ACACA: variants seen among roughly 807,000 people sequenced by gnomAD.
The protein encoded by ACACA is acetyl-CoA carboxylase 1.
In ACACA, 103 loss-of-function variants were observed where a neutral mutation model predicts 296.1. That is an observed-to-expected ratio of 0.35 (90% CI 0.30 to 0.41). ACACA has a LOEUF of 0.41. ACACA is among the 10% of genes least tolerant of loss of function. The pLI, the probability that ACACA is intolerant of heterozygous loss-of-function variation, is 1.00. For synonymous variants in ACACA, 953 were observed against 1,038.6 expected (o/e 0.92, Z 1.58); for missense variants, 1,554 against 2,989.7 (o/e 0.52, Z 11.20).
At chr17:37,129,231 A>T in intron 47 of ACACA, 134 bp downstream of exon 47, 3 of 1,221,810 alleles carry the variant, frequency 2.5e-6, no homozygotes, top group Middle Eastern at 1.9e-4. Context: ...GCTGGTTTTC[A>T]GGTCTTTCTC....
At chr17:37,102,642 G>A (rs2073433159) in intron 52 of ACACA, among the ~76,000 whole-genome samples, 1 of 152,236 alleles carries the variant, frequency 6.6e-6, no homozygotes, top group African/African-American at 2.4e-5. Flanking sequence ...ACCAGCTGGA[G>A]AGTTGGTTTG....
chr17:37,247,029 G>A (rs1392138243), intron 18 of ACACA, 53 bp from the exon 19 acceptor site: 3 of 1,593,980 alleles, frequency 1.9e-6, no homozygotes, highest in African/African-American at 1.3e-5. Flanking sequence ...GGATGTAAAG[G>A]AGAATGGTAG....
chr17:37,097,047 C>T lies in ACACA; in HGVS notation c.6840G>A (p.Gln2280=). The T allele has an allele frequency of 1.2e-6, 2 of 1,614,170 alleles. No individual in the cohort carries two copies. The highest frequency in any genetic ancestry group is 1.7e-6 in the Non-Finnish European group (2 of 1,180,046). The change falls in exon 54 of 56, where the codon CAG becomes CAA. Residue 2280 remains glutamine, a synonymous_variant. Coordinates refer to ENST00000616317, the MANE Select transcript of ACACA (RefSeq NM_198834.3). The surrounding 1 kb of genome is among the most constrained non-coding windows in gnomAD (Gnocchi z 4.8). ...HNANPELTDG[Q]IQAMLRRWFV... is the part of the protein sequence containing the mutation. ...ACCAGCGCCTTAACATGGCTTGAATCTGGCCATCAGTCAGCTCAGGGTTGG... is the reference window on the plus strand; with the variant it reads ...ACCAGCGCCTTAACATGGCTTGAATTTGGCCATCAGTCAGCTCAGGGTTGG...
intron 45 of ACACA, among the ~76,000 whole-genome samples, chr17:37,144,638 T>G (rs1205709724): frequency 1.3e-5 from 2 of 152,106 alleles, no homozygotes; most frequent in East Asian, 3.9e-4. Context: ...AATACATATA[T>G]GAGAACCAGA....
intron 29 of ACACA, 92 bp downstream of exon 29, chr17:37,221,632 A>T (rs1029730906): frequency 1.9e-5 from 21 of 1,132,898 alleles, no homozygotes; most frequent in African/African-American, 6.1e-5. Flanking sequence ...ATTTCTAACT[A>T]AAAAAACATG....
chr17:37,365,773 C>A, intron 1 of ACACA: 1 of 980,730 alleles, frequency 1.0e-6, no homozygotes, highest in Non-Finnish European at 1.2e-6. Flanking sequence ...GGTAGAATTG[C>A]ACAATGAAGG....
Position 37,200,245 on chromosome 17 carries a change from C to T in ACACA, c.4114-62G>A, listed in dbSNP as rs1047518879. The stretch of plus-strand genomic sequence containing the variant: ...AGAAGTTGGCAATTAGTAACAAAAT[C>T]AAAAAGAAATTGAGTAAAAGATGAT... On this transcript the variant is annotated intron_variant, in intron 34 of 55. Transcript: ENST00000616317. 11 of 1,468,420 alleles carry T rather than the reference C, an allele frequency of 7.5e-6. No homozygotes were observed. The African/African-American group carries it at 1.5e-4, about 20-fold the overall frequency. 91.0% of individuals were successfully genotyped at this position (1,468,420 alleles called of 1,614,324 possible).
intron 1 of ACACA, among the ~76,000 whole-genome samples, chr17:37,390,575 C>T (rs887342217): frequency 7.4e-5 from 11 of 147,780 alleles, no homozygotes; most frequent in African/African-American, 2.2e-4. Context: ...TGTGGTGAGC[C>T]GAGATTGCGC....
At chr17:37,251,912 G>A (rs2081012453) in intron 16 of ACACA, 93 bp downstream of exon 16, 12 of 1,175,974 alleles carry the variant, frequency 1.0e-5, no homozygotes, top group African/African-American at 1.5e-5. Context: ...AAGCTGCCAG[G>A]AATGGACAGA....
intron 43 of ACACA, among the ~76,000 whole-genome samples, chr17:37,153,899 C>T (rs1368125303): frequency 6.6e-6 from 1 of 151,990 alleles, no homozygotes; most frequent in Non-Finnish European, 1.5e-5. Flanking sequence ...AAAAACATAC[C>T]CTGTTTCTTT....
chr17:37,190,042 G>A (rs1456656339), intron 38 of ACACA, among the ~76,000 whole-genome samples: 3 of 136,196 alleles, frequency 2.2e-5, no homozygotes, highest in Non-Finnish European at 4.9e-5. Context: ...AAAAAAAAAA[G>A]CAGCAGCAGC....
chr17:37,217,823 G>A (rs1268855358), intron 29 of ACACA, among the ~76,000 whole-genome samples: 3 of 148,612 alleles, frequency 2.0e-5, no homozygotes, highest in East Asian at 2.0e-4. Flanking sequence ...GCACATGCCT[G>A]TAGTCCCAGC....
At chr17:37,395,666 C>T (rs1467616010) in intron 1 of ACACA, among the ~76,000 whole-genome samples, 4 of 152,022 alleles carry the variant, frequency 2.6e-5, no homozygotes, top group Non-Finnish European at 5.9e-5. Context: ...CCTCAGCCTC[C>T]CAAGTAGCTG....
intron 29 of ACACA, among the ~76,000 whole-genome samples, chr17:37,221,048 G>A (rs534768707): frequency 6.6e-5 from 10 of 151,984 alleles, no homozygotes; most frequent in Non-Finnish European, 1.3e-4. Flanking sequence ...CATTGCCTTA[G>A]AATACTTTTT....
intron 1 of ACACA, among the ~76,000 whole-genome samples, chr17:37,352,540 C>G (rs1358546219): frequency 6.6e-6 from 1 of 151,790 alleles, no homozygotes; most frequent in Non-Finnish European, 1.5e-5. Context: ...TGACGCAACC[C>G]CATCTCTACC....
At chr17:37,198,203 G>A (rs2078090391) in intron 35 of ACACA, among the ~76,000 whole-genome samples, 1 of 152,150 alleles carries the variant, frequency 6.6e-6, no homozygotes, top group Admixed American at 6.5e-5. Context: ...ATGTCAGTGA[G>A]AACTAATCAC....
At chr17:37,390,294 T>TA (rs1364369098) in intron 1 of ACACA, among the ~76,000 whole-genome samples, 12 of 29,386 alleles carry the variant, frequency 4.1e-4, no homozygotes, top group East Asian at 3.1e-3. Context: ...TAATTATATA[T>TA]TATACATAAT....
chr17:37,111,995 G>T (rs934062518), intron 51 of ACACA, among the ~76,000 whole-genome samples: 1 of 152,022 alleles, frequency 6.6e-6, no homozygotes, highest in African/African-American at 2.4e-5. Context: ...AGTGACAGGG[G>T]AACCACCTCC....
intron 24 of ACACA, among the ~76,000 whole-genome samples, chr17:37,235,935 A>G (rs571391799): frequency 6.6e-6 from 1 of 152,240 alleles, no homozygotes; most frequent in Non-Finnish European, 1.5e-5. Context: ...GATATCTGCC[A>G]TGGGATATAA....
Sources: allele counts gnomAD v4.1 joint callset (sites outside exome capture counted in the v4.1 genomes callset), GRCh38; gene constraint gnomAD v4.1.1; non-coding constraint Gnocchi (gnomAD v3.1); transcripts MANE v1.5; gene names NCBI Gene and HGNC (gene_info 2026-07-23, HGNC 2026-07-21).